Variants in KCNJ3 observed in about 807,000 individuals in gnomAD.
The protein encoded by KCNJ3 is G protein-activated inward rectifier potassium channel 1.
Under a neutral mutation model 39.2 loss-of-function variants are expected in KCNJ3, and 4 were observed. That is an observed-to-expected ratio of 0.10 (90% CI 0.05 to 0.23). The LOEUF (loss-of-function observed/expected upper bound fraction) is 0.23. Ranked by LOEUF, KCNJ3 falls within the 10% of genes least tolerant of loss-of-function variation. KCNJ3 has a pLI of 1.00. For synonymous variants in KCNJ3, 230 were observed against 237.4 expected (o/e 0.97, Z 0.29); for missense variants, 276 against 634.9 (o/e 0.43, Z 6.08).
At chr2:154,755,942 T>C (rs1685929987) in intron 2 of KCNJ3, among the ~76,000 whole-genome samples, 1 of 152,134 alleles carries the variant, frequency 6.6e-6, no homozygotes, top group Admixed American at 6.6e-5. Context: ...GTCTCGAAGA[T>C]GTTAAAACAA....
intron 2 of KCNJ3, among the ~76,000 whole-genome samples, chr2:154,752,821 G>T (rs1167970359): frequency 6.6e-6 from 1 of 151,946 alleles, no homozygotes; most frequent in Non-Finnish European, 1.5e-5. Context: ...TATAAGTAAA[G>T]GAAGTTATTC....
intron 2 of KCNJ3, among the ~76,000 whole-genome samples, chr2:154,752,573 A>G (rs1685865720): frequency 6.6e-6 from 1 of 152,066 alleles, no homozygotes; most frequent in Non-Finnish European, 1.5e-5. Flanking sequence ...GAAACTTTCT[A>G]TGATGATCCC....
intron 2 of KCNJ3, among the ~76,000 whole-genome samples, chr2:154,759,249 G>T (rs1407521482): frequency 6.6e-6 from 1 of 152,104 alleles, no homozygotes; most frequent in Non-Finnish European, 1.5e-5. Flanking sequence ...TATTATTTTT[G>T]TGTGTGTAGT....
At chr2:154,730,074 T>C (rs1685425752) in intron 2 of KCNJ3, among the ~76,000 whole-genome samples, 2 of 151,902 alleles carry the variant, frequency 1.3e-5, no homozygotes, top group South Asian at 4.1e-4. Flanking sequence ...TTCAGAGTTA[T>C]AAGCAGAAAG....
At chr2:154,731,282 T>C (rs1267662915) in intron 2 of KCNJ3, among the ~76,000 whole-genome samples, 1 of 152,136 alleles carries the variant, frequency 6.6e-6, no homozygotes, top group Non-Finnish European at 1.5e-5. Context: ...GGAGTTGCCG[T>C]ATCATGAAGC....
intron 2 of KCNJ3, among the ~76,000 whole-genome samples, chr2:154,791,427 T>C (rs1686632334): frequency 1.3e-5 from 2 of 152,038 alleles, no homozygotes; most frequent in South Asian, 4.1e-4. Context: ...TGAATCCTTA[T>C]GAGATGGATT....
At chr2:154,742,588 T>A (rs933649898) in intron 2 of KCNJ3, among the ~76,000 whole-genome samples, 1 of 151,868 alleles carries the variant, frequency 6.6e-6, no homozygotes, top group Non-Finnish European at 1.5e-5. Context: ...AGGTGGTATG[T>A]CATTATTGTT....
intron 2 of KCNJ3, among the ~76,000 whole-genome samples, chr2:154,750,729 C>T (rs942028492): frequency 1.3e-5 from 2 of 152,030 alleles, no homozygotes; most frequent in Admixed American, 1.3e-4. Context: ...TGTGATTAAC[C>T]AGCAACTTTT....
At chr2:154,830,820 C>A (rs553125396) in intron 2 of KCNJ3, among the ~76,000 whole-genome samples, 1 of 152,076 alleles carries the variant, frequency 6.6e-6, no homozygotes, top group Admixed American at 6.6e-5. Flanking sequence ...AACTGTCAGA[C>A]AAATTTGATC....
intron 2 of KCNJ3, among the ~76,000 whole-genome samples, chr2:154,762,419 C>A (rs898043210): frequency 1.3e-5 from 2 of 152,156 alleles, no homozygotes; most frequent in Admixed American, 6.6e-5. Flanking sequence ...ACACATTCAT[C>A]ATTTATACAC....
At chr2:154,735,787 C>T (rs1341830925) in intron 2 of KCNJ3, among the ~76,000 whole-genome samples, 2 of 151,908 alleles carry the variant, frequency 1.3e-5, no homozygotes, top group Admixed American at 1.3e-4. Flanking sequence ...CAGAATATTC[C>T]ACATTTTTGA....
chr2:154,807,506 G>T (rs926098093), intron 2 of KCNJ3, among the ~76,000 whole-genome samples: 1 of 152,142 alleles, frequency 6.6e-6, no homozygotes, highest in Non-Finnish European at 1.5e-5. Flanking sequence ...TCTTTGGAGG[G>T]ATAACCTGAG....
chr2:154,756,235 T>C (rs1183483325), intron 2 of KCNJ3, among the ~76,000 whole-genome samples: 1 of 152,150 alleles, frequency 6.6e-6, no homozygotes, highest in Non-Finnish European at 1.5e-5. Flanking sequence ...TAAATAATAA[T>C]GATAATGGTA....
chr2:154,719,473 G>A (rs1685231397), intron 2 of KCNJ3, among the ~76,000 whole-genome samples: 1 of 152,098 alleles, frequency 6.6e-6, no homozygotes, highest in Admixed American at 6.5e-5. Flanking sequence ...TAAAATGCAT[G>A]ACTATTCATT....
chr2:154,710,356 C>G (rs947046113), intron 2 of KCNJ3, among the ~76,000 whole-genome samples: 3 of 151,988 alleles, frequency 2.0e-5, no homozygotes, highest in South Asian at 2.1e-4. Flanking sequence ...CCCAGCTGAA[C>G]CTTGACCAAA....
At chr2:154,825,264 T>C (rs917640121) in intron 2 of KCNJ3, among the ~76,000 whole-genome samples, 5 of 152,158 alleles carry the variant, frequency 3.3e-5, no homozygotes, top group East Asian at 1.9e-4. Flanking sequence ...AATGCCCAGC[T>C]TTGTCTTCCA....
chr2:154,733,112 A>C (rs180867539), intron 2 of KCNJ3, among the ~76,000 whole-genome samples: 2 of 152,310 alleles, frequency 1.3e-5, no homozygotes, highest in East Asian at 3.9e-4. Flanking sequence ...TACTTATGGT[A>C]AGAACCCATA....
At chr2:154,828,745 C>G (rs182404498) in intron 2 of KCNJ3, among the ~76,000 whole-genome samples, 39 of 152,182 alleles carry the variant, frequency 2.6e-4, no homozygotes, top group Admixed American at 9.8e-4. Flanking sequence ...TCTCTTCTCT[C>G]CATGCCTTTG....
Position 154,721,192 on chromosome 2 carries a change from T to G in KCNJ3, c.919+11373T>G, listed in dbSNP as rs370976667. Among the ~76,000 whole-genome samples the G allele has an allele frequency of 9.2e-5, 14 of 152,276 alleles. No homozygotes were observed. The South Asian group carries it at 2.9e-3, about 32-fold the overall frequency. Reference sequence around the variant, plus strand: ...TAGCCTGTAGATTGTATAACAGTAGTGCTTTACAATAATCTTTTACGCAAA... The same window carrying G: ...TAGCCTGTAGATTGTATAACAGTAGGGCTTTACAATAATCTTTTACGCAAA... On this transcript the variant is annotated intron_variant, in intron 2 of 2. Coordinates refer to ENST00000295101, the MANE Select transcript of KCNJ3 (RefSeq NM_002239.4).
Sources: gnomAD v4.1 joint callset for allele counts (sites outside exome capture counted in the v4.1 genomes callset) on GRCh38, gnomAD v4.1.1 for gene constraint, MANE v1.5 for transcripts, NCBI Gene and HGNC (gene_info 2026-07-23, HGNC 2026-07-21) for gene names.